The following PRRC2B variants were observed in gnomAD, a reference collection of about 807,000 sequenced individuals.
The protein encoded by PRRC2B is protein PRRC2B.
A neutral mutation model predicts 242.3 loss-of-function variants in PRRC2B; 68 were observed. The observed-to-expected ratio is 0.28, with a 90% CI of 0.23 to 0.34. The LOEUF is 0.34. PRRC2B is among the 10% of genes least tolerant of loss of function. The probability of loss-of-function intolerance (pLI) is 1.00; values close to 1 mark genes in which losing one functional copy is unlikely to be tolerated. For missense variants in PRRC2B, 2,835 were observed against 2,954.8 expected, an observed-to-expected ratio of 0.96 and a Z score of 0.94; for synonymous variants, 1,228 against 1,173.6, an observed-to-expected ratio of 1.05 and a Z score of -0.95.
At position 131,498,412 on chromosome 9, in the gene PRRC2B, T is replaced by C. The variant is rs976719344; in HGVS notation, c.*2538T>C. On this transcript the variant is annotated 3_prime_UTR_variant, in exon 32 of 32. Transcript: ENST00000683519. ...GTGACCTGAGCTGCAGTCTCTTCGC[T>C]GAGATGCAGGTTTTAAATGAGACTT... The C allele has an allele frequency of 3.9e-5, 6 of 152,224 alleles. No individual in the cohort carries two copies. Among genetic ancestry groups the C allele is most frequent in the African/African-American group, 1.4e-4 (6 of 41,460 alleles). 9.4% of individuals were successfully genotyped at this position (152,224 alleles called of 1,614,324 possible). A position where few individuals can be genotyped will look rare whatever the true frequency, so the allele number is the denominator to read the frequency against.
At chr9:131,430,591 GTGTGTATATA>G (rs985266070) in intron 2 of PRRC2B, among the ~76,000 whole-genome samples, 3 of 137,454 alleles carry the variant, frequency 2.2e-5, no homozygotes, top group Admixed American at 7.1e-5. Flanking sequence ...GTGTGTGTGT[GTGTGTATATA>G]TATGTTTTGG....
Position 131,464,820 on chromosome 9 carries a change from C to T in PRRC2B, c.1462C>T (p.Pro488Ser). The change falls in exon 12 of 32, where the codon CCC (proline) becomes TCC (serine). Residue 488 changes from proline (P) to serine (S), a missense_variant. Pro to Ser is a moderately conservative substitution (Grantham distance 74, BLOSUM62 -1). This residue lies in a region of PRRC2B where 626 missense variants were observed against 685.5 expected (regional missense o/e 0.91). Transcript: ENST00000683519. ...GTCCATCGAGGACAAGGAGGACAAG[C>T]CCCCACCAAGGCAGAAGTTCATTCA... ...QQSIEDKEDKPPPRQKFIQSE... is the reference protein window; with the variant it reads ...QQSIEDKEDKSPPRQKFIQSE... The T allele has an allele frequency of 2.5e-6, 4 of 1,613,092 alleles. No individual in the cohort carries two copies. Among genetic ancestry groups the T allele is most frequent in the Non-Finnish European group, 3.4e-6 (4 of 1,179,354 alleles).
At position 131,474,807 on chromosome 9, in the gene PRRC2B, A is replaced by T; in HGVS notation, c.2678A>T (p.Glu893Val). 6.2e-7 allele frequency: 1 copy of T among 1,612,388 alleles called. No individual in the cohort carries two copies. Among genetic ancestry groups the T allele is most frequent in the Non-Finnish European group, 8.5e-7 (1 of 1,179,690 alleles). ...GGTGTTGAGCGGGAGACACCCCGGG[A>T]GGGGACGGCCTTTAACATCTCCTCC... The part of the protein sequence containing the change: ...AHGVERETPR[E>V]GTAFNISSWD... The change falls in exon 16 of 32, where the codon GAG (glutamate) becomes GTG (valine). Residue 893 changes from glutamate (E) to valine (V), a missense_variant. By Grantham distance (121) the Glu-to-Val change is moderately radical. Around this residue, in one of 7 missense-constraint regions of PRRC2B, gnomAD observed 1,536 missense variants for 1,483.1 expected, o/e 1.04. Transcript: ENST00000683519.
Position 131,484,757 on chromosome 9 carries a change from A to G in PRRC2B, c.5532A>G (p.Pro1844=), listed in dbSNP as rs1309941111. The G allele has an allele frequency of 1.2e-6, 2 of 1,612,308 alleles. No individual in the cohort carries two copies. Among genetic ancestry groups the G allele is most frequent in the East Asian group, 2.2e-5 (1 of 44,834 alleles). The change falls in exon 24 of 32, where the codon CCA becomes CCG. Residue 1844 remains proline, a synonymous_variant. Transcript: ENST00000683519. ...TCCAGAGGGCCATCGGTCTCTCCCC[A>G]ATGTCCTTCCCCACCGCCGACCTTA... ...HHIQRAIGLS[P]MSFPTADLTL...
At chr9:131,483,513 C>T (rs1296548319) in intron 23 of PRRC2B, 68 bp downstream of exon 23, 58 of 1,377,922 alleles carry the variant, frequency 4.2e-5, no homozygotes, top group Non-Finnish European at 5.1e-5. Flanking sequence ...GTGAAGGAGA[C>T]AGCACATGTA....
At chr9:131,414,650 A>G (rs1192435130) in intron 1 of PRRC2B, among the ~76,000 whole-genome samples, 1 of 149,370 alleles carries the variant, frequency 6.7e-6, no homozygotes, top group Non-Finnish European at 1.5e-5. Flanking sequence ...GGCTCACTGC[A>G]ACCTCTACCT....
chr9:131,470,971 C>T lies in PRRC2B; in HGVS notation c.2095C>T (p.Leu699=), dbSNP rs1036365828. ...RTPVDFYPSA[L]HPSGLMKPMM... ...CCCGGTGGACTTCTACCCCTCCGCC[C>T]TGCATCCCTCAGGTAAGCACTGTGG... The change falls in exon 14 of 32, where the codon CTG becomes TTG. Residue 699 remains leucine (L), a synonymous_variant. Transcript: ENST00000683519. 1.9e-6 allele frequency: 3 copies of T among 1,611,036 alleles called. No homozygotes were observed. The African/African-American group carries it at 4.0e-5, about 22-fold the overall frequency.
At chr9:131,441,191 C>T (rs986279808) in intron 5 of PRRC2B, among the ~76,000 whole-genome samples, 1 of 152,108 alleles carries the variant, frequency 6.6e-6, no homozygotes, top group East Asian at 1.9e-4. Context: ...CATCTGTATA[C>T]TGATGTATAT....
chr9:131,460,189 A>G (rs2131414159), intron 11 of PRRC2B, among the ~76,000 whole-genome samples: 1 of 152,274 alleles, frequency 6.6e-6, no homozygotes, highest in East Asian at 1.9e-4. Context: ...AGCCTTGATA[A>G]TTGATTGTCG....
rs368879490 is a variant in PRRC2B, at chr9:131,447,745, A to C, written c.1061A>C (p.Asn354Thr). The C allele has an allele frequency of 1.4e-5, 23 of 1,613,740 alleles. No homozygotes were observed. The African/African-American group carries it at 2.9e-4, about 21-fold the overall frequency. Residue 354 changes from asparagine (N) to threonine (T), a missense_variant, in exon 9 of 32, where the codon AAT (asparagine) becomes ACT (threonine). Around this residue, in one of 7 missense-constraint regions of PRRC2B, gnomAD observed 626 missense variants for 685.5 expected, o/e 0.91. Coordinates refer to ENST00000683519, the MANE Select transcript of PRRC2B (RefSeq NM_013318.4). ...VERAPRPTII[N>T]AENLKGLDDL... ...CGGGCACCACGGCCCACCATTATCA[A>C]TGCGGAAAACCTGAAGGGCCTTGAC... is the stretch of plus-strand genomic sequence containing the variant.
Position 131,476,319 on chromosome 9 carries a change from C to T in PRRC2B, c.4190C>T (p.Pro1397Leu). The change falls in exon 16 of 32, where the codon CCC becomes CTC. Residue 1397 changes from proline to leucine, a missense_variant. Physicochemically the swap from Pro to Leu is moderately conservative, Grantham distance 98 (BLOSUM62 -3). Around this residue, in one of 7 missense-constraint regions of PRRC2B, gnomAD observed 1,536 missense variants for 1,483.1 expected, o/e 1.04. Coordinates refer to ENST00000683519, the MANE Select transcript of PRRC2B (RefSeq NM_013318.4). ...RERREGPGSE[P>L]DSQVDGGLSG... ...CGGCGGGAAGGCCCTGGGTCCGAGC[C>T]CGACTCCCAGGTGGATGGTGGCCTG... 1 of 1,580,252 alleles carries T rather than the reference C, an allele frequency of 6.3e-7. No individual in the cohort carries two copies. Among genetic ancestry groups the T allele is most frequent in the African/African-American group, 1.3e-5 (1 of 74,208 alleles).
Position 131,446,206 on chromosome 9 carries a change from G to C in PRRC2B, c.614-195G>C, listed in dbSNP as rs1262116514. On this transcript the variant is annotated intron_variant, in intron 6 of 31. Transcript: ENST00000683519. The surrounding 1 kb of genome is among the most constrained non-coding windows in gnomAD (Gnocchi z 4.1). Reference sequence around the variant, plus strand: ...ATATTTCACAGTCAGACTTCCCTCAGCAAGTTCATCCTCATTGGCCAGGGG... The same window carrying C: ...ATATTTCACAGTCAGACTTCCCTCACCAAGTTCATCCTCATTGGCCAGGGG... Among the ~76,000 whole-genome samples the C allele has an allele frequency of 6.6e-6, 1 of 152,110 alleles. No individual in the cohort carries two copies. Among genetic ancestry groups the C allele is most frequent in the African/African-American group, 2.4e-5 (1 of 41,414 alleles).
Position 131,496,310 on chromosome 9 carries a change from G to T in PRRC2B, c.*436G>T, listed in dbSNP as rs181735461. ...CTTTTTGTTTTAAAATGTAGCCAAG[G>T]TTTTTACAAAGGGGAAAGGAAAAGA... On this transcript the variant is annotated 3_prime_UTR_variant, in exon 32 of 32. Coordinates refer to ENST00000683519, the MANE Select transcript of PRRC2B (RefSeq NM_013318.4). The T allele has an allele frequency of 4.0e-4, 65 of 161,488 alleles. No individual in the cohort carries two copies. The highest frequency in any genetic ancestry group is 1.6e-3 in the Admixed American group (27 of 16,466). The allele number at this position is 161,488 out of a possible 1,614,324, so 10.0% of individuals were successfully genotyped here. A position where few individuals can be genotyped will look rare whatever the true frequency, so the allele number is the denominator to read the frequency against.
At chr9:131,435,436 G>A (rs2994055) in intron 3 of PRRC2B, among the ~76,000 whole-genome samples, 114,266 of 151,940 alleles carry the variant, frequency 0.75, 43,799 homozygotes, top group East Asian at 0.93. Flanking sequence ...CCAACATGTT[G>A]AAACCCCGTC....
At position 131,477,850 on chromosome 9, in the gene PRRC2B, G is replaced by A. The variant is rs376862902; in HGVS notation, c.4513G>A (p.Glu1505Lys). Residue 1505 changes from glutamate to lysine, a missense_variant, in exon 17 of 32, where the codon GAA (glutamate) becomes AAA (lysine). By Grantham distance (56) the Glu-to-Lys change is moderately conservative (BLOSUM62 1). Transcript: ENST00000683519. ...AGCCCATGCCAGTGCTGACCTTCCC[G>A]AAGCCTCCAGTAAAAAGGCAGAGAA... ...RAAHASADLP[E>K]ASSKKAEKEA... The A allele has an allele frequency of 2.5e-6, 4 of 1,613,824 alleles. No individual in the cohort carries two copies. Among genetic ancestry groups the A allele is most frequent in the Non-Finnish European group, 2.5e-6 (3 of 1,179,812 alleles).
chr9:131,446,531 C>T lies in PRRC2B; in HGVS notation c.744C>T (p.Ser248=). 2.5e-6 allele frequency: 4 copies of T among 1,613,900 alleles called. No individual in the cohort carries two copies. The highest frequency in any genetic ancestry group is 1.1e-5 in the South Asian group (1 of 91,080). Reference sequence around the variant, plus strand: ...GAGCCCCCTCCTCGGCATGTACCAGCGATTCTAAGGACCCCTCTCTCCGCC... The same window carrying T: ...GAGCCCCCTCCTCGGCATGTACCAGTGATTCTAAGGACCCCTCTCTCCGCC... ...GDGAPSSACT[S]DSKDPSLRPA... is the part of the protein sequence containing the mutation. The change falls in exon 7 of 32, where the codon AGC becomes AGT. Residue 248 remains serine, a synonymous_variant. Transcript: ENST00000683519. The surrounding 1 kb of genome is among the most constrained non-coding windows in gnomAD (Gnocchi z 4.1).
In PRRC2B at chr9:131,470,856, T is replaced by C; in HGVS notation, c.1980T>C (p.Phe660=). Residue 660 remains phenylalanine (F), a synonymous_variant, in exon 14 of 32, where the codon TTT becomes TTC. Coordinates refer to ENST00000683519, the MANE Select transcript of PRRC2B (RefSeq NM_013318.4). Reference sequence around the variant, plus strand: ...CGCCGTCCCACCCCCAGCGCACCTTTTACCCACACCACCCCCAGATGTTGG... The same window carrying C: ...CGCCGTCCCACCCCCAGCGCACCTTCTACCCACACCACCCCCAGATGTTGG... The part of the protein sequence containing the change: ...YPPPSHPQRT[F]YPHHPQMLGF... 1 of 1,610,384 alleles carries C rather than the reference T, an allele frequency of 6.2e-7. No homozygotes were observed. Among genetic ancestry groups the C allele is most frequent in the South Asian group, 1.1e-5 (1 of 90,990 alleles).
At chr9:131,396,648 T>C (rs959046155) in intron 1 of PRRC2B, among the ~76,000 whole-genome samples, 2 of 152,178 alleles carry the variant, frequency 1.3e-5, no homozygotes, top group African/African-American at 4.8e-5. Context: ...ATGCTTATTT[T>C]TTCCTCTTCT....
chr9:131,452,742 C>T (rs560374232), intron 9 of PRRC2B, among the ~76,000 whole-genome samples: 10 of 152,154 alleles, frequency 6.6e-5, no homozygotes, highest in Non-Finnish European at 1.5e-4. Flanking sequence ...TTTTTTATTA[C>T]GGGGACATTT....
Sources: gnomAD v4.1 joint callset for allele counts (sites outside exome capture counted in the v4.1 genomes callset) on GRCh38, gnomAD v4.1.1 for gene constraint, gnomAD v4.1.1 regional missense constraint, Gnocchi (gnomAD v3.1) non-coding constraint, MANE v1.5 for transcripts, NCBI Gene and HGNC (gene_info 2026-07-23, HGNC 2026-07-21) for gene names.